The following RBM22 variants were observed in gnomAD, a reference collection of about 807,000 sequenced individuals.
RBM22 encodes pre-mRNA-splicing factor RBM22.
A neutral mutation model predicts 50.1 loss-of-function variants in RBM22; 1 was observed. That is an observed-to-expected ratio of 0.02 (90% CI 0.01 to 0.09). RBM22 has a LOEUF of 0.09. RBM22 is among the 10% of genes least tolerant of loss of function. The pLI, the probability that RBM22 is intolerant of heterozygous loss-of-function variation, is 1.00. For missense variants in RBM22, 264 were observed against 529.3 expected, an observed-to-expected ratio of 0.50 and a Z score of 4.92; for synonymous variants, 152 against 179.0, an observed-to-expected ratio of 0.85 and a Z score of 1.20.
intron 3 of RBM22, 90 bp from the exon 4 acceptor site, chr5:150,698,721 TC>T: frequency 6.7e-7 from 1 of 1,485,322 alleles, no homozygotes; most frequent in Admixed American, 2.0e-5. Context: ...CAAAAAAGGA[TC>T]CCTGAATGTA....
intron 7 of RBM22, 85 bp from the exon 8 acceptor site, chr5:150,694,325 A>C: frequency 2.7e-6 from 4 of 1,497,876 alleles, no homozygotes; most frequent in Admixed American, 2.3e-5. Context: ...ACTTTCACTG[A>C]CACACCACTA....
chr5:150,694,354 T>C lies in RBM22; in HGVS notation c.747-114A>G, dbSNP rs568623325. 5 of 1,431,698 alleles carry C rather than the reference T, an allele frequency of 3.5e-6. No homozygotes were observed. In the African/African-American group the frequency reaches 7.2e-5, roughly 21 times the overall value. The allele number at this position is 1,431,698 out of a possible 1,614,324, so 88.7% of individuals were successfully genotyped here. ...ACCACTAGGCAGGTGGGCCCCAAGG[T>C]TATCTGCCTAACTACCCGCAGGTCT... is the stretch of plus-strand genomic sequence containing the variant. On this transcript the variant is annotated intron_variant, in intron 7 of 10. Coordinates refer to ENST00000199814, the MANE Select transcript of RBM22 (RefSeq NM_018047.3).
At chr5:150,694,336 G>A in intron 7 of RBM22, 96 bp from the exon 8 acceptor site, 1 of 1,467,248 alleles carries the variant, frequency 6.8e-7, no homozygotes, top group Non-Finnish European at 9.0e-7. Context: ...CACACCACTA[G>A]GCAGGTGGGC....
At chr5:150,694,290 T>C (rs1166327711) in intron 7 of RBM22, 50 bp from the exon 8 acceptor site, 1 of 1,568,112 alleles carries the variant, frequency 6.4e-7, no homozygotes, top group Non-Finnish European at 8.7e-7. Context: ...AAAAAAGATG[T>C]ACCCAGGAGA....
intron 2 of RBM22, 91 bp from the exon 3 acceptor site, chr5:150,699,362 T>G: frequency 6.9e-7 from 1 of 1,447,858 alleles, no homozygotes; most frequent in Non-Finnish European, 9.2e-7. Flanking sequence ...CCAAGAAATG[T>G]GTCTGGAAAT....
Position 150,693,046 on chromosome 5 carries a change from C to A in RBM22, c.1001-20G>T. ...GAAGAGCTGGAGGAGAGAAAATAGT[C>A]AACACATAGAGGGGAGAACAATTGT... On this transcript the variant is annotated intron_variant, in intron 9 of 10. Coordinates refer to ENST00000199814, the MANE Select transcript of RBM22 (RefSeq NM_018047.3). 2 of 1,597,404 alleles carry A rather than the reference C, an allele frequency of 1.3e-6. No individual in the cohort carries two copies. The highest frequency in any genetic ancestry group is 1.7e-6 in the Non-Finnish European group (2 of 1,172,806).
At chr5:150,692,351 G>A (rs1759219283) in intron 10 of RBM22, among the ~76,000 whole-genome samples, 1 of 152,184 alleles carries the variant, frequency 6.6e-6, no homozygotes, top group Non-Finnish European at 1.5e-5. Flanking sequence ...CTACAGCAGT[G>A]CTATACGAAG....
Position 150,701,004 on chromosome 5 carries a change from T to C in RBM22, c.-19A>G, listed in dbSNP as rs780293184. The C allele has an allele frequency of 1.9e-6, 3 of 1,614,090 alleles. No individual in the cohort carries two copies. Among genetic ancestry groups the C allele is most frequent in the African/African-American group, 1.3e-5 (1 of 74,998 alleles). ...TCGCCATCTTGAGAGCGTCCGGAGG[T>C]AGCTGTAGCTTCCGAATTGGGAGAG... On this transcript the variant is annotated 5_prime_UTR_variant, in exon 1 of 11. Coordinates refer to ENST00000199814, the MANE Select transcript of RBM22 (RefSeq NM_018047.3).
rs959203081 is a variant in RBM22, at chr5:150,696,096, C to A, written c.546-390G>T. 1.3e-5 allele frequency among the ~76,000 whole-genome samples: 2 copies of A among 151,080 alleles called. No individual in the cohort carries two copies. Among genetic ancestry groups the A allele is most frequent in the Non-Finnish European group, 1.5e-5 (1 of 67,844 alleles). ...TCTGATTAAAGCTATGAACCTCGCC[C>A]CAGAGAAAGCACATACATTATTTTT... On this transcript the variant is annotated intron_variant, in intron 6 of 10. Transcript: ENST00000199814. This position sits in a 1 kb window ranked among gnomAD's most constrained non-coding sequence, Gnocchi z 4.3.
Position 150,692,995 on chromosome 5 carries a change from T to G in RBM22, c.1032A>C (p.Glu344Asp), listed in dbSNP as rs767104479. The G allele has an allele frequency of 1.2e-6, 2 of 1,612,552 alleles. No individual in the cohort carries two copies. The highest frequency in any genetic ancestry group is 2.2e-5 in the South Asian group (2 of 90,860). ...ALPPPPAAEE[E>D]ASANYFNLPP... ...GCAAGTTGAAGTAGTTGGCAGAGGC[T>G]TCTTCTTCTGCTGCAGGAGGAGGAG... The change falls in exon 10 of 11, where the codon GAA becomes GAC. Residue 344 changes from glutamate to aspartate, a missense_variant. Coordinates refer to ENST00000199814, the MANE Select transcript of RBM22 (RefSeq NM_018047.3).
At chr5:150,695,137 C>T (rs1759259003) in intron 7 of RBM22, among the ~76,000 whole-genome samples, 1 of 152,210 alleles carries the variant, frequency 6.6e-6, no homozygotes, top group Admixed American at 6.5e-5. Context: ...AGCAATCCTC[C>T]TGCCTCAGCC....
At chr5:150,699,299 C>T in intron 2 of RBM22, 28 bp from the exon 3 acceptor site, 1 of 1,550,660 alleles carries the variant, frequency 6.4e-7, no homozygotes, top group Non-Finnish European at 8.7e-7. Context: ...TAGAAAAGAA[C>T]TGGAGTTACA....
intron 1 of RBM22, 97 bp from the exon 2 acceptor site, chr5:150,700,594 G>A (rs770892468): frequency 6.3e-7 from 1 of 1,584,770 alleles, no homozygotes; most frequent in South Asian, 1.1e-5. Flanking sequence ...GCGAGGGTGG[G>A]GAACTAGGCA....
At position 150,691,431 on chromosome 5, in the gene RBM22, CAT is replaced by C. The variant is rs1759207252; in HGVS notation, c.*318_*319del. 5.1e-6 allele frequency: 1 copy of C among 194,932 alleles called. No homozygotes were observed. Among genetic ancestry groups the C allele is most frequent in the South Asian group, 1.9e-4 (1 of 5,234 alleles). The allele number at this position is 194,932 out of a possible 1,614,324, so 12.1% of individuals were successfully genotyped here. A position where few individuals can be genotyped will look rare whatever the true frequency, so the allele number is the denominator to read the frequency against. On this transcript the variant is annotated 3_prime_UTR_variant, in exon 11 of 11. Transcript: ENST00000199814. The stretch of plus-strand genomic sequence containing the variant: ...CCGACCAAAAAATATACAAAATGAA[CAT>C]ATAATTGGGAGGGTAACTCTGCTGG...
chr5:150,692,855 A>T (rs372108660), intron 10 of RBM22, 40 bp downstream of exon 10: 129 of 1,543,524 alleles, frequency 8.4e-5, no homozygotes, highest in Non-Finnish European at 1.1e-4. Context: ...CAGAACTTTC[A>T]CAAGGATTTC....
At chr5:150,695,952 TATAA>T (rs1281520891) in intron 6 of RBM22, among the ~76,000 whole-genome samples, 3 of 146,608 alleles carry the variant, frequency 2.0e-5, no homozygotes, top group Non-Finnish European at 3.0e-5. Context: ...AAACTTTCCT[TATAA>T]ATAAATACTC....
rs1163499156 is a variant in RBM22, at chr5:150,691,191, GAATA to G, written c.*556_*559del. 1 of 152,222 alleles carries G rather than the reference GAATA, an allele frequency of 6.6e-6. No individual in the cohort carries two copies. 9.4% of individuals were successfully genotyped at this position (152,222 alleles called of 1,614,324 possible). ...ACGTAAAATGGTCAGATTCCTTTAG[GAATA>G]AATGAGGAAAAGGAGAGGAAAGAGA... On this transcript the variant is annotated 3_prime_UTR_variant, in exon 11 of 11. Transcript: ENST00000199814.
chr5:150,699,038 C>A (rs560813389), intron 3 of RBM22, among the ~76,000 whole-genome samples: 2 of 152,278 alleles, frequency 1.3e-5, no homozygotes, highest in South Asian at 4.1e-4. Context: ...TCCACTGACA[C>A]CGTAAGAATC....
chr5:150,694,050 T>A, intron 8 of RBM22, 26 bp downstream of exon 8: 1 of 1,597,274 alleles, frequency 6.3e-7, no homozygotes, highest in South Asian at 1.1e-5. Context: ...AAGCAAAATG[T>A]CACTTAAAAA....
Sources: allele counts gnomAD v4.1 joint callset (sites outside exome capture counted in the v4.1 genomes callset), GRCh38; gene constraint gnomAD v4.1.1; non-coding constraint Gnocchi (gnomAD v3.1); transcripts MANE v1.5; gene names NCBI Gene and HGNC (gene_info 2026-07-23, HGNC 2026-07-21).